The following SGIP1 variants were observed in gnomAD, a reference collection of about 807,000 sequenced individuals.
SGIP1 encodes the protein SH3-containing GRB2-like protein 3-interacting protein 1.
SGIP1 carries 38 observed loss-of-function variants against 107.5 expected under a neutral mutation model. The ratio of observed to expected loss-of-function variants is 0.35; its 90% confidence interval spans 0.27 to 0.46. The LOEUF (loss-of-function observed/expected upper bound fraction) is 0.46, where lower values mean the gene tolerates loss of function less well. Ranked by LOEUF, SGIP1 falls within the 20% of genes least tolerant of loss-of-function variation. The pLI is 1.00. For synonymous variants in SGIP1, 365 were observed against 366.1 expected (o/e 1.00, Z 0.03); for missense variants, 929 against 1,019.5 (o/e 0.91, Z 1.21).
chr1:66,537,457 T>C (rs928986341), intron 1 of SGIP1, among the ~76,000 whole-genome samples: 2 of 152,202 alleles, frequency 1.3e-5, no homozygotes, highest in African/African-American at 4.8e-5. Flanking sequence ...TCTTTAGCTA[T>C]CCTTTCTAAG....
At chr1:66,649,283 C>A (rs907958067) in intron 7 of SGIP1, among the ~76,000 whole-genome samples, 5 of 152,170 alleles carry the variant, frequency 3.3e-5, no homozygotes, top group Non-Finnish European at 5.9e-5. Flanking sequence ...TGGTTGATTT[C>A]TCTTTAAACA....
At chr1:66,672,020 GT>G (rs752033189) in intron 11 of SGIP1, 25 bp downstream of exon 11, 58 of 1,611,236 alleles carry the variant, frequency 3.6e-5, no homozygotes, top group Non-Finnish European at 4.8e-5. Context: ...CATTAGTTGT[GT>G]TTTATGCAAG....
chr1:66,593,254 G>A (rs776146736), intron 1 of SGIP1, among the ~76,000 whole-genome samples: 9 of 152,082 alleles, frequency 5.9e-5, no homozygotes, highest in East Asian at 5.8e-4. Flanking sequence ...TGCTATAAAC[G>A]TCCATGTGCA....
At chr1:66,557,219 A>G (rs766474341) in intron 1 of SGIP1, among the ~76,000 whole-genome samples, 7 of 152,044 alleles carry the variant, frequency 4.6e-5, no homozygotes, top group Non-Finnish European at 8.8e-5. Flanking sequence ...TCAAGGGTGA[A>G]CTCTATTTCT....
intron 1 of SGIP1, among the ~76,000 whole-genome samples, chr1:66,558,061 G>A (rs1200257832): frequency 3.3e-5 from 5 of 152,126 alleles, no homozygotes; most frequent in Admixed American, 1.3e-4. Flanking sequence ...TGTGGTAAGC[G>A]TGAATGAATA....
chr1:66,549,445 C>A (rs1270213878), intron 1 of SGIP1, among the ~76,000 whole-genome samples: 1 of 152,090 alleles, frequency 6.6e-6, no homozygotes, highest in South Asian at 2.1e-4. Flanking sequence ...GTGAAGGAAG[C>A]GTTGAATGGG....
intron 15 of SGIP1, among the ~76,000 whole-genome samples, chr1:66,688,295 T>C (rs988116336): frequency 6.6e-6 from 1 of 152,212 alleles, no homozygotes; most frequent in Non-Finnish European, 1.5e-5. Flanking sequence ...TTGGTCAAGT[T>C]TCCTTGTGTA....
intron 1 of SGIP1, among the ~76,000 whole-genome samples, chr1:66,614,173 A>G (rs1014985964): frequency 2.0e-5 from 3 of 152,364 alleles, no homozygotes; most frequent in African/African-American, 7.2e-5. Context: ...CTGTAAGTAA[A>G]GACAGAGAAT....
intron 1 of SGIP1, among the ~76,000 whole-genome samples, chr1:66,581,081 A>G (rs545373228): frequency 2.6e-5 from 4 of 152,226 alleles, no homozygotes; most frequent in East Asian, 1.9e-4. Context: ...ACAATTACTT[A>G]TCTTCTTAGT....
chr1:66,599,055 G>C (rs1044226393), intron 1 of SGIP1, among the ~76,000 whole-genome samples: 5 of 152,130 alleles, frequency 3.3e-5, no homozygotes, highest in African/African-American at 4.8e-5. Flanking sequence ...CCCCTCATTA[G>C]TAAATAATTA....
At position 66,744,188 on chromosome 1, in the gene SGIP1, G is replaced by T. The variant is rs1390932787; in HGVS notation, c.*1093G>T. 2 of 152,098 alleles carry T rather than the reference G, an allele frequency of 1.3e-5. No homozygotes were observed. Among genetic ancestry groups the T allele is most frequent in the Non-Finnish European group, 2.9e-5 (2 of 67,974 alleles). The allele number at this position is 152,098 out of a possible 1,614,324, so 9.4% of individuals were successfully genotyped here. On this transcript the variant is annotated 3_prime_UTR_variant, in exon 25 of 25. Transcript: ENST00000371037. Reference sequence around the variant, plus strand: ...ATCATTGTTTATATCATTTGAGAATGAAAAAATAAGCTTCATAAATGAAAT... The same window carrying T: ...ATCATTGTTTATATCATTTGAGAATTAAAAAATAAGCTTCATAAATGAAAT...
chr1:66,689,304 A>T (rs749623945), intron 16 of SGIP1, 29 bp downstream of exon 16: 6 of 1,599,932 alleles, frequency 3.8e-6, no homozygotes, highest in Non-Finnish European at 4.3e-6. Context: ...TGGCTTGCTC[A>T]GAAACAGTGA....
chr1:66,673,062 A>C (rs2084226380), intron 11 of SGIP1, among the ~76,000 whole-genome samples: 1 of 152,190 alleles, frequency 6.6e-6, no homozygotes, highest in Non-Finnish European at 1.5e-5. Context: ...ATTGAGAACT[A>C]AGGATCTCAC....
chr1:66,575,744 T>C (rs1401822047), intron 1 of SGIP1, among the ~76,000 whole-genome samples: 1 of 152,198 alleles, frequency 6.6e-6, no homozygotes, highest in Admixed American at 6.5e-5. Flanking sequence ...ATTAAGGACT[T>C]TATTTTCCAT....
intron 20 of SGIP1, among the ~76,000 whole-genome samples, chr1:66,730,805 C>A (rs976626531): frequency 1.3e-5 from 2 of 152,196 alleles, no homozygotes; most frequent in Non-Finnish European, 2.9e-5. Context: ...ATCTCAGAAA[C>A]AGGCTGCATC....
At chr1:66,631,689 C>T (rs199528263) in intron 2 of SGIP1, among the ~76,000 whole-genome samples, 3 of 15,774 alleles carry the variant, frequency 1.9e-4, no homozygotes, top group African/African-American at 1.2e-3. Flanking sequence ...CTTTCTCTCT[C>T]TCTCTCTCTC....
intron 9 of SGIP1, among the ~76,000 whole-genome samples, chr1:66,669,813 C>T (rs2083372974): frequency 6.6e-6 from 1 of 152,078 alleles, no homozygotes; most frequent in Non-Finnish European, 1.5e-5. Context: ...TGAAACTGCT[C>T]CCGTAGCATA....
chr1:66,637,449 GTGTGTT>G (rs55889645), intron 4 of SGIP1, among the ~76,000 whole-genome samples: 30,739 of 83,520 alleles, frequency 0.37, 3,269 homozygotes, highest in East Asian at 0.54. Context: ...CCGTGTGTGT[GTGTGTT>G]TGTGTGTGTG....
intron 1 of SGIP1, among the ~76,000 whole-genome samples, chr1:66,588,272 T>G (rs1341784218): frequency 6.6e-6 from 1 of 151,072 alleles, no homozygotes; most frequent in Non-Finnish European, 1.5e-5. Flanking sequence ...CATCAGAGTA[T>G]TAAGGCAAAT....
Sources: gnomAD v4.1 joint callset for allele counts (sites outside exome capture counted in the v4.1 genomes callset) on GRCh38, gnomAD v4.1.1 for gene constraint, MANE v1.5 for transcripts, NCBI Gene and HGNC (gene_info 2026-07-23, HGNC 2026-07-21) for gene names.